The following EBF1 variants were observed in gnomAD, a reference collection of about 807,000 sequenced individuals.
EBF1 encodes the protein EBF transcription factor 1.
EBF1 carries 10 observed loss-of-function variants against 68.4 expected under a neutral mutation model. That is an observed-to-expected ratio of 0.15 (90% CI 0.09 to 0.25). EBF1 has a LOEUF of 0.25. Ranked by LOEUF, EBF1 falls within the 10% of genes least tolerant of loss-of-function variation. EBF1 has a pLI of 1.00. For synonymous variants in EBF1, 298 were observed against 299.8 expected, an observed-to-expected ratio of 0.99 and a Z score of 0.06; for missense variants, 509 against 794.4, an observed-to-expected ratio of 0.64 and a Z score of 4.32.
intron 6 of EBF1, among the ~76,000 whole-genome samples, chr5:159,041,732 A>T (rs898524534): frequency 6.6e-6 from 1 of 152,220 alleles, no homozygotes; most frequent in African/African-American, 2.4e-5. Context: ...AGAGAAATCC[A>T]TAAACTAGAA....
At chr5:159,051,416 C>CT (rs1353519014) in intron 6 of EBF1, among the ~76,000 whole-genome samples, 1 of 132,896 alleles carries the variant, frequency 7.5e-6, no homozygotes, top group Non-Finnish European at 1.6e-5. Context: ...CTCCCCCTCC[C>CT]CCCCGCTCCC....
intron 6 of EBF1, among the ~76,000 whole-genome samples, chr5:159,037,994 C>T (rs1383215637): frequency 6.6e-6 from 1 of 152,112 alleles, no homozygotes; most frequent in Admixed American, 6.6e-5. Flanking sequence ...GTGTGCAGTG[C>T]CAGAGTGGCA....
chr5:158,938,315 C>T (rs1419230128), intron 6 of EBF1, among the ~76,000 whole-genome samples: 1 of 152,170 alleles, frequency 6.6e-6, no homozygotes, highest in Non-Finnish European at 1.5e-5. Flanking sequence ...CCCAGGACAG[C>T]CTGTGCAGCT....
intron 11 of EBF1, among the ~76,000 whole-genome samples, chr5:158,715,869 CAAGT>C (rs1269634558): frequency 6.6e-6 from 1 of 152,152 alleles, no homozygotes; most frequent in Non-Finnish European, 1.5e-5. Flanking sequence ...AAAACAGGAT[CAAGT>C]GAGTTTATTT....
chr5:158,905,888 G>A (rs1804471544), intron 6 of EBF1, among the ~76,000 whole-genome samples: 1 of 152,278 alleles, frequency 6.6e-6, no homozygotes, highest in African/African-American at 2.4e-5. Context: ...GGTAGCAGGA[G>A]GGATACAAGG....
intron 2 of EBF1, chr5:159,096,703 G>A (rs1044416612): frequency 2.1e-5 from 13 of 606,022 alleles, no homozygotes; most frequent in Non-Finnish European, 3.8e-5. Flanking sequence ...TGGTAGTGGA[G>A]GGCGGGTTCA....
In EBF1 at chr5:158,872,996, ATTTTTTTT is replaced by A. The variant is rs539493620; in HGVS notation, c.555-32894_555-32887del. On this transcript the variant is annotated intron_variant, in intron 6 of 15. Coordinates refer to ENST00000313708, the MANE Select transcript of EBF1 (RefSeq NM_024007.5). ...GGCTCTTCAGTCAAGAATGACACTA[ATTTTTTTT>A]TTTTTTTTTTTTTTTTTTTTTACTG... 3.9e-4 allele frequency among the ~76,000 whole-genome samples: 32 copies of A among 81,122 alleles called. 1 individual carries two copies. The highest frequency in any genetic ancestry group is 1.1e-3 in the Admixed American group (7 of 6,332). The allele number at this position is 81,122 out of a possible 152,430, so 53.2% of individuals were successfully genotyped here.
At chr5:159,054,369 T>C (rs1399382933) in intron 6 of EBF1, among the ~76,000 whole-genome samples, 3 of 152,212 alleles carry the variant, frequency 2.0e-5, no homozygotes, top group Non-Finnish European at 4.4e-5. Context: ...TGTCAAAATA[T>C]TATAATGTTT....
intron 6 of EBF1, among the ~76,000 whole-genome samples, chr5:158,966,481 A>G (rs1345293303): frequency 1.3e-5 from 2 of 152,218 alleles, no homozygotes; most frequent in African/African-American, 4.8e-5. Flanking sequence ...GACAGCATCA[A>G]TTCTCTGGGC....
Position 158,712,331 on chromosome 5 carries a change from A to G in EBF1, c.1372T>C (p.Phe458Leu). The G allele has an allele frequency of 6.2e-7, 1 of 1,613,628 alleles. No individual in the cohort carries two copies. Among genetic ancestry groups the G allele is most frequent in the Non-Finnish European group, 8.5e-7 (1 of 1,179,804 alleles). The change falls in exon 14 of 16, where the codon TTC (phenylalanine) becomes CTC (leucine). Residue 458 changes from phenylalanine (F) to leucine (L), a missense_variant and splice_region_variant. Coordinates refer to ENST00000313708, the MANE Select transcript of EBF1 (RefSeq NM_024007.5). Reference protein sequence around the residue: ...SEASQATNQGFTRNSSSVSPH... With the variant: ...SEASQATNQGLTRNSSSVSPH... ...GATACGCTGCTTGAGTTGCGGGTGA[A>G]ACCTGAGGGGCGGGGGCAAAACCGG...
At chr5:158,905,961 C>A (rs551698639) in intron 6 of EBF1, among the ~76,000 whole-genome samples, 1 of 152,166 alleles carries the variant, frequency 6.6e-6, no homozygotes, top group South Asian at 2.1e-4. Flanking sequence ...GAAACACATG[C>A]CTTCGTTAAC....
In EBF1 at chr5:158,712,169, T is replaced by C; in HGVS notation, c.1534A>G (p.Asn512Asp). 6.2e-7 allele frequency: 1 copy of C among 1,613,838 alleles called. No homozygotes were observed. Among genetic ancestry groups the C allele is most frequent in the Non-Finnish European group, 8.5e-7 (1 of 1,179,916 alleles). The change falls in exon 14 of 16, where the codon AAC becomes GAC. Residue 512 changes from asparagine (N) to aspartate (D), a missense_variant. Coordinates refer to ENST00000313708, the MANE Select transcript of EBF1 (RefSeq NM_024007.5). ...CTCTACTTACTGGCATAGGGGGAGT[T>C]GGCAGCTGAGCCGTTGAGGAAGGTG... ...SPTFLNGSAA[N>D]SPYAIVPSSP...
At chr5:158,876,130 T>C (rs1797768871) in intron 6 of EBF1, among the ~76,000 whole-genome samples, 1 of 152,086 alleles carries the variant, frequency 6.6e-6, no homozygotes, top group African/African-American at 2.4e-5. Context: ...CATGACTAGT[T>C]GAAACACTAC....
In EBF1 at chr5:158,920,976, G is replaced by C. The variant is rs530722195; in HGVS notation, c.555-80866C>G. On this transcript the variant is annotated intron_variant, in intron 6 of 15. Transcript: ENST00000313708. The stretch of plus-strand genomic sequence containing the variant: ...TAGAAATTAGCCATATGGGAACCTA[G>C]CTTGGGTACATATCTTCATCTGTCA... 2.0e-4 allele frequency among the ~76,000 whole-genome samples: 31 copies of C among 152,314 alleles called. No individual in the cohort carries two copies. The South Asian group carries it at 2.9e-3, about 14-fold the overall frequency.
chr5:158,826,855 T>C (rs907521454), intron 7 of EBF1, among the ~76,000 whole-genome samples: 2 of 152,230 alleles, frequency 1.3e-5, no homozygotes, highest in African/African-American at 4.8e-5. Flanking sequence ...GAATCTCCTC[T>C]GTTATATCCT....
At chr5:158,748,681 C>T (rs139089843) in intron 10 of EBF1, among the ~76,000 whole-genome samples, 92 of 152,260 alleles carry the variant, frequency 6.0e-4, no homozygotes, top group African/African-American at 2.0e-3. Flanking sequence ...CACAACCAAA[C>T]GAGCGTTCTG....
intron 6 of EBF1, among the ~76,000 whole-genome samples, chr5:158,846,256 G>T (rs1415098136): frequency 6.6e-6 from 1 of 152,154 alleles, no homozygotes; most frequent in Non-Finnish European, 1.5e-5. Context: ...ACACACTGGA[G>T]GGTAAACAGC....
chr5:158,705,901 C>A (rs1757757387), intron 15 of EBF1, among the ~76,000 whole-genome samples: 1 of 152,374 alleles, frequency 6.6e-6, no homozygotes, highest in Non-Finnish European at 1.5e-5. Context: ...TAAACCCCAT[C>A]ATATCTTGTT....
At chr5:158,912,199 C>T (rs971129799) in intron 6 of EBF1, among the ~76,000 whole-genome samples, 2 of 152,182 alleles carry the variant, frequency 1.3e-5, no homozygotes, top group African/African-American at 4.8e-5. Context: ...CTGGTGGACA[C>T]AAAGATTCCC....
Sources: gnomAD v4.1 joint callset for allele counts (sites outside exome capture counted in the v4.1 genomes callset) on GRCh38, gnomAD v4.1.1 for gene constraint, MANE v1.5 for transcripts, NCBI Gene and HGNC (gene_info 2026-07-23, HGNC 2026-07-21) for gene names.